Variants in PRMT9 observed in about 807,000 individuals in gnomAD.
PRMT9 encodes the protein protein arginine methyltransferase 9.
A neutral mutation model predicts 83.2 loss-of-function variants in PRMT9; 59 were observed. That is an observed-to-expected ratio of 0.71 (90% CI 0.57 to 0.88). The LOEUF is 0.88. Among genes scored for constraint, PRMT9 ranks in the 40% least tolerant of loss-of-function variants. PRMT9 has a pLI of 0.00. For synonymous variants in PRMT9, 333 were observed against 353.2 expected (o/e 0.94, Z 0.64); for missense variants, 947 against 1,021.9 (o/e 0.93, Z 1.00).
At chr4:147,681,655 C>T (rs1736477931) in intron 1 of PRMT9, among the ~76,000 whole-genome samples, 1 of 152,050 alleles carries the variant, frequency 6.6e-6, no homozygotes, top group Non-Finnish European at 1.5e-5. Flanking sequence ...AGCACGGTGG[C>T]GAACACCTAT....
intron 9 of PRMT9, among the ~76,000 whole-genome samples, chr4:147,647,550 TCTCA>T (rs1733809372): frequency 6.7e-6 from 1 of 148,958 alleles, no homozygotes; most frequent in Non-Finnish European, 1.5e-5. Context: ...TGAGACGGAG[TCTCA>T]CTCTGTTGCC....
At position 147,683,814 on chromosome 4, in the gene PRMT9, C is replaced by A. The variant is rs1349401661; in HGVS notation, c.174G>T (p.Leu58=). ...GGACCCTCACCTTCACGTCGTGTTT[C>A]AGCTCCGGCGCCAGGCTGAGCACGA... is the stretch of plus-strand genomic sequence containing the variant. The part of the protein sequence containing the change: ...YLLVLSLAPE[L]KHDVKETFQY... The change falls in exon 1 of 12, where the codon CTG becomes CTT. Residue 58 remains leucine (L), a synonymous_variant. Coordinates refer to ENST00000322396, the MANE Select transcript of PRMT9 (RefSeq NM_138364.4). 6.6e-6 allele frequency: 10 copies of A among 1,513,212 alleles called. No individual in the cohort carries two copies. The Admixed American group carries it at 1.8e-4, about 27-fold the overall frequency. 93.7% of individuals were successfully genotyped at this position (1,513,212 alleles called of 1,614,324 possible). A position where few individuals can be genotyped will look rare whatever the true frequency, so the allele number is the denominator to read the frequency against.
intron 2 of PRMT9, among the ~76,000 whole-genome samples, chr4:147,675,625 T>C (rs1736017970): frequency 6.6e-6 from 1 of 152,210 alleles, no homozygotes; most frequent in Admixed American, 6.5e-5. Flanking sequence ...TGATATTTAA[T>C]ACATTATCAA....
At chr4:147,681,033 T>C (rs1015694634) in intron 1 of PRMT9, among the ~76,000 whole-genome samples, 1 of 152,228 alleles carries the variant, frequency 6.6e-6, no homozygotes. Context: ...CTTGTTCTTA[T>C]CCTCACAGAG....
chr4:147,648,560 C>T (rs1052471615), intron 9 of PRMT9, among the ~76,000 whole-genome samples: 5 of 152,178 alleles, frequency 3.3e-5, no homozygotes, highest in Admixed American at 2.0e-4. Flanking sequence ...AAGTGTTTCC[C>T]TGAGTTCTGT....
Position 147,654,456 on chromosome 4 carries a change from C to A in PRMT9, c.1441G>T (p.Ala481Ser), listed in dbSNP as rs1331098655. The change falls in exon 9 of 12, where the codon GCA (alanine) becomes TCA (serine). Residue 481 changes from alanine (A) to serine (S), a missense_variant. By Grantham distance (99) the Ala-to-Ser change is moderately conservative. Transcript: ENST00000322396. ...TCTTTATTCTGGGTAAAACTTTTTG[C>A]AACATCCATTTCACATTCCAAACCC... is the stretch of plus-strand genomic sequence containing the variant. ...VLGLECEMDVAKSFTQNKDLL... is the reference protein window; with the variant it reads ...VLGLECEMDVSKSFTQNKDLL... 6.2e-7 allele frequency: 1 copy of A among 1,613,936 alleles called. No individual in the cohort carries two copies. Among genetic ancestry groups the A allele is most frequent in the South Asian group, 1.1e-5 (1 of 91,086 alleles).
chr4:147,650,859 T>C (rs1162664939), intron 9 of PRMT9, among the ~76,000 whole-genome samples: 2 of 152,006 alleles, frequency 1.3e-5, no homozygotes, highest in Non-Finnish European at 2.9e-5. Flanking sequence ...TCCCAGCACT[T>C]TGGGAGGCCA....
intron 2 of PRMT9, among the ~76,000 whole-genome samples, chr4:147,679,758 A>C (rs1299025295): frequency 6.6e-5 from 10 of 152,162 alleles, no homozygotes; most frequent in Non-Finnish European, 1.5e-4. Flanking sequence ...CCCAAAAAAA[A>C]CAGTGCTGGA....
At chr4:147,682,363 G>C (rs1412851314) in intron 1 of PRMT9, among the ~76,000 whole-genome samples, 1 of 152,144 alleles carries the variant, frequency 6.6e-6, no homozygotes, top group Non-Finnish European at 1.5e-5. Flanking sequence ...ACTTTTAGTA[G>C]AGACGGGGTT....
intron 1 of PRMT9, 82 bp downstream of exon 1, chr4:147,683,717 C>A: frequency 1.4e-6 from 2 of 1,382,926 alleles, no homozygotes; most frequent in Non-Finnish European, 2.0e-6. Flanking sequence ...CCTAGCCCCT[C>A]CGCTTTTTTT....
chr4:147,669,065 T>C (rs570270878), intron 5 of PRMT9, among the ~76,000 whole-genome samples: 4 of 151,672 alleles, frequency 2.6e-5, no homozygotes, highest in African/African-American at 4.8e-5. Context: ...CAGCCTGGGC[T>C]ACAGAGCAAG....
intron 2 of PRMT9, among the ~76,000 whole-genome samples, chr4:147,679,887 C>T (rs921477441): frequency 6.6e-6 from 1 of 152,188 alleles, no homozygotes; most frequent in Non-Finnish European, 1.5e-5. Flanking sequence ...AGGCTTCTTA[C>T]CCTACTACAT....
chr4:147,677,058 A>AC (rs1219685064), intron 2 of PRMT9, among the ~76,000 whole-genome samples: 2 of 151,836 alleles, frequency 1.3e-5, no homozygotes, highest in Non-Finnish European at 2.9e-5. Context: ...AAAAAAAAAA[A>AC]AAAACTTAAT....
At chr4:147,667,093 C>T (rs1051115568) in intron 6 of PRMT9, among the ~76,000 whole-genome samples, 3 of 152,266 alleles carry the variant, frequency 2.0e-5, no homozygotes, top group African/African-American at 7.2e-5. Flanking sequence ...AGCCATGTTA[C>T]AGCAAGAAAT....
At chr4:147,675,137 CG>C (rs1197003277) in intron 2 of PRMT9, among the ~76,000 whole-genome samples, 1 of 152,142 alleles carries the variant, frequency 6.6e-6, no homozygotes, top group Non-Finnish European at 1.5e-5. Context: ...TGCGCCACCA[CG>C]TCCGGCTAAT....
chr4:147,642,407 T>A (rs1733462495), intron 10 of PRMT9, among the ~76,000 whole-genome samples: 1 of 152,008 alleles, frequency 6.6e-6, no homozygotes, highest in Admixed American at 6.6e-5. Context: ...CCTGGCTAAT[T>A]TTTTTGTATT....
intron 8 of PRMT9, among the ~76,000 whole-genome samples, chr4:147,656,298 T>C (rs75461119): frequency 1.3e-5 from 2 of 151,228 alleles, no homozygotes; most frequent in Admixed American, 6.6e-5. Flanking sequence ...TCTGTGTGTG[T>C]GCGTGTGTGT....
intron 10 of PRMT9, among the ~76,000 whole-genome samples, chr4:147,639,895 AAGAC>A (rs989106384): frequency 2.0e-5 from 3 of 151,836 alleles, no homozygotes; most frequent in African/African-American, 7.3e-5. Context: ...CACCATTTCT[AAGAC>A]TCCTTGTTAT....
rs904667530 is a variant in PRMT9, at chr4:147,683,992, G to A, written c.-5C>T. ...CCTGGGCCGCGAGTTCGACATGGCA[G>A]TCACCACTTGTATGGCCAAAGGGAA... On this transcript the variant is annotated 5_prime_UTR_variant, in exon 1 of 12. Transcript: ENST00000322396. 1.2e-5 allele frequency: 20 copies of A among 1,612,398 alleles called. No individual in the cohort carries two copies. In the African/African-American group the frequency reaches 2.3e-4, roughly 18 times the overall value.
Sources: allele counts gnomAD v4.1 joint callset (sites outside exome capture counted in the v4.1 genomes callset), GRCh38; gene constraint gnomAD v4.1.1; transcripts MANE v1.5; gene names NCBI Gene and HGNC (gene_info 2026-07-23, HGNC 2026-07-21).